The following DENND1B variants were observed in gnomAD, a reference collection of about 807,000 sequenced individuals.
The protein encoded by DENND1B is DENN domain containing 1B, also known as DENN domain-containing protein 1B.
In DENND1B, 59 loss-of-function variants were observed where a neutral mutation model predicts 90.1. That is an observed-to-expected ratio of 0.65 (90% CI 0.53 to 0.81). DENND1B has a LOEUF of 0.81. Among genes scored for constraint, DENND1B ranks in the 40% least tolerant of loss-of-function variants. DENND1B has a pLI of 0.00. For synonymous variants in DENND1B, 337 were observed against 324.6 expected (o/e 1.04, Z -0.41); for missense variants, 862 against 912.6 (o/e 0.94, Z 0.71).
rs554571516 is a variant in DENND1B at position 197,595,329 on chromosome 1, G to A, written c.926C>T (p.Ser309Leu). The A allele has an allele frequency of 1.2e-4, 188 of 1,612,248 alleles. 1 individual carries two copies. Among genetic ancestry groups the A allele is most frequent in the East Asian group, 4.7e-4 (21 of 44,812 alleles). The part of the protein sequence containing the change: ...DLNNLPSDVV[S>L]ALKNKLKKQS... Reference sequence around the variant, plus strand: ...CTTCTTCAGTTTATTTTTCAAGGCCGAGACCTGCATGACAGAGAGGAACAG... The same window carrying A: ...CTTCTTCAGTTTATTTTTCAAGGCCAAGACCTGCATGACAGAGAGGAACAG... The change falls in exon 14 of 23, where the codon TCG becomes TTG. Residue 309 changes from serine (S) to leucine (L), a missense_variant. Ser to Leu is a moderately radical substitution (Grantham distance 145). Transcript: ENST00000620048.
chr1:197,514,827 G>A (rs1668287526), intron 20 of DENND1B, among the ~76,000 whole-genome samples: 1 of 151,336 alleles, frequency 6.6e-6, no homozygotes, highest in South Asian at 2.1e-4. Flanking sequence ...CCTGTTTTTG[G>A]CACAATAAGA....
At position 197,653,948 on chromosome 1, in the gene DENND1B, ATAG is replaced by A. The variant is rs1653525554; in HGVS notation, c.367-1636_367-1634del. ...TTGACTTTTCATTGCAAAAAAATAA[ATAG>A]TAGTATTTCCACTTATTTTCTTAGG... On this transcript the variant is annotated intron_variant, in intron 6 of 22. Coordinates refer to ENST00000620048, the MANE Select transcript of DENND1B (RefSeq NM_001195215.2). Among the ~76,000 whole-genome samples, 5 of 152,248 alleles carry A rather than the reference ATAG, an allele frequency of 3.3e-5. No individual in the cohort carries two copies. The South Asian group carries it at 1.0e-3, about 32-fold the overall frequency.
intron 15 of DENND1B, among the ~76,000 whole-genome samples, chr1:197,565,596 G>C (rs899596748): frequency 6.7e-6 from 1 of 149,854 alleles, no homozygotes; most frequent in East Asian, 2.0e-4. Flanking sequence ...CCATTAACTC[G>C]TCATTTAGCA....
chr1:197,513,065 C>A, intron 20 of DENND1B, 112 bp from the exon 21 acceptor site: 2 of 771,440 alleles, frequency 2.6e-6, no homozygotes, highest in Non-Finnish European at 4.0e-6. Flanking sequence ...AAGAAATATG[C>A]ATTCAGGGTT....
upstream of DENND1B, among the ~76,000 whole-genome samples, chr1:197,777,110 T>A (rs531224069): frequency 3.4e-4 from 51 of 151,720 alleles, no homozygotes; most frequent in African/African-American, 1.2e-3. Context: ...AAAAAAAAAA[T>A]TCGTAAGCTA....
chr1:197,608,115 A>G (rs1013442618), intron 12 of DENND1B, among the ~76,000 whole-genome samples: 143 of 150,742 alleles, frequency 9.5e-4, no homozygotes, highest in African/African-American at 3.4e-3. Context: ...GTCATTTTTG[A>G]AAACTGTCAC....
rs527778039 is a variant in DENND1B at position 197,548,844 on chromosome 1, A to G, written c.1241-2071T>C. 3.9e-5 allele frequency among the ~76,000 whole-genome samples: 6 copies of G among 152,284 alleles called. No individual in the cohort carries two copies. In the South Asian group the frequency reaches 1.2e-3, roughly 32 times the overall value. On this transcript the variant is annotated intron_variant, in intron 16 of 22. Transcript: ENST00000620048. ...ATTACCGGTAATAATCTAAAATTTC[A>G]TAGTATAGGGGCAAAGAAGAAGTCC...
chr1:197,670,431 G>A (rs1030787190), intron 5 of DENND1B, among the ~76,000 whole-genome samples: 4 of 145,526 alleles, frequency 2.7e-5, no homozygotes, highest in Non-Finnish European at 4.5e-5. Context: ...AACAATAAAG[G>A]TGGGGGGAAG....
intron 12 of DENND1B, among the ~76,000 whole-genome samples, chr1:197,607,952 C>T (rs1676840457): frequency 6.6e-6 from 1 of 150,468 alleles, no homozygotes; most frequent in Non-Finnish European, 1.5e-5. Context: ...TTTTATTAGT[C>T]TTATTTAATT....
At chr1:197,545,761 T>C (rs1027949003) in intron 18 of DENND1B, 161 bp downstream of exon 18, 20 of 588,378 alleles carry the variant, frequency 3.4e-5, no homozygotes, top group Non-Finnish European at 5.5e-5. Context: ...TGCAATGTTA[T>C]AATTTTAACA....
intron 3 of DENND1B, among the ~76,000 whole-genome samples, chr1:197,713,798 A>ATAT (rs1558432796): frequency 5.4e-4 from 19 of 35,120 alleles, no homozygotes; most frequent in African/African-American, 2.0e-3. Flanking sequence ...TAATATTATT[A>ATAT]TATTATAATA....
rs549613270 is a variant in DENND1B at position 197,653,067 on chromosome 1, G to A, written c.367-752C>T. ...TAGCAATTTTAATAAGTTTGGATAC[G>A]AGATATAGACTTCTCACGATCTTTC... is the stretch of plus-strand genomic sequence containing the variant. On this transcript the variant is annotated intron_variant, in intron 6 of 22. Coordinates refer to ENST00000620048, the MANE Select transcript of DENND1B (RefSeq NM_001195215.2). Among the ~76,000 whole-genome samples, 46 of 151,742 alleles carry A rather than the reference G, an allele frequency of 3.0e-4. No individual in the cohort carries two copies. In the South Asian group the frequency reaches 5.6e-3, roughly 19 times the overall value.
At chr1:197,541,183 A>G (rs1670311437) in intron 18 of DENND1B, among the ~76,000 whole-genome samples, 168 bp from the exon 19 acceptor site, 1 of 152,180 alleles carries the variant, frequency 6.6e-6, no homozygotes, top group Non-Finnish European at 1.5e-5. Context: ...ATCACTTACT[A>G]TTTTATTACA....
chr1:197,741,410 G>T (rs1663204083), intron 2 of DENND1B, among the ~76,000 whole-genome samples: 1 of 152,098 alleles, frequency 6.6e-6, no homozygotes, highest in South Asian at 2.1e-4. Context: ...CATTAAAGCA[G>T]TTTTAAACTA....
At chr1:197,731,849 A>G (rs1449965637) in intron 2 of DENND1B, among the ~76,000 whole-genome samples, 1 of 151,854 alleles carries the variant, frequency 6.6e-6, no homozygotes, top group East Asian at 1.9e-4. Flanking sequence ...GCTACACAGC[A>G]CTCTGTGCCT....
chr1:197,771,021 C>A (rs572470375), intron 2 of DENND1B, among the ~76,000 whole-genome samples: 1 of 150,674 alleles, frequency 6.6e-6, no homozygotes, highest in East Asian at 2.0e-4. Flanking sequence ...AACTGATTCT[C>A]GTGCCTCAGC....
intron 13 of DENND1B, 152 bp downstream of exon 13, chr1:197,606,921 A>G (rs1242262387): frequency 3.3e-6 from 2 of 610,390 alleles, no homozygotes; most frequent in African/African-American, 3.8e-5. Context: ...AGGTAAAAAT[A>G]TTAAATATAG....
intron 15 of DENND1B, among the ~76,000 whole-genome samples, chr1:197,573,009 G>A (rs1204092630): frequency 3.3e-5 from 5 of 152,148 alleles, no homozygotes; most frequent in Admixed American, 6.5e-5. Flanking sequence ...TTTTTATTGC[G>A]TCTATTTGAT....
intron 6 of DENND1B, among the ~76,000 whole-genome samples, chr1:197,655,230 GA>G (rs1558362317): frequency 6.6e-6 from 1 of 152,134 alleles, no homozygotes; most frequent in African/African-American, 2.4e-5. Context: ...ACAATAGCTG[GA>G]TATTAGTTTC....
Sources: allele counts gnomAD v4.1 joint callset (sites outside exome capture counted in the v4.1 genomes callset), GRCh38; gene constraint gnomAD v4.1.1; transcripts MANE v1.5; gene names NCBI Gene and HGNC (gene_info 2026-07-23, HGNC 2026-07-21).